The following NMD3 variants were observed in gnomAD, a reference collection of about 807,000 sequenced individuals.
NMD3 encodes the protein NMD3 ribosome export adaptor, also known as 60S ribosomal export protein NMD3.
Under a neutral mutation model 73.1 loss-of-function variants are expected in NMD3, and 47 were observed. The observed-to-expected ratio is 0.64, with a 90% CI of 0.51 to 0.82. The LOEUF is 0.82. Among genes scored for constraint, NMD3 ranks in the 40% least tolerant of loss-of-function variants. The probability of loss-of-function intolerance (pLI) is 0.00; values close to 1 mark genes in which losing one functional copy is unlikely to be tolerated. For synonymous variants in NMD3, 210 were observed against 194.5 expected (o/e 1.08, Z -0.66); for missense variants, 554 against 612.5 (o/e 0.90, Z 1.01).
chr3:161,240,557 C>CTTTTTTTTTT (rs1736933202), intron 9 of NMD3, among the ~76,000 whole-genome samples: 1 of 86,120 alleles, frequency 1.2e-5, no homozygotes, highest in African/African-American at 6.1e-5. Context: ...GACAGTTTTG[C>CTTTTTTTTTT]TCTGTCACCT....
Position 161,242,607 on chromosome 3 carries a change from T to C in NMD3, c.971T>C (p.Val324Ala). 6.2e-7 allele frequency: 1 copy of C among 1,613,538 alleles called. No homozygotes were observed. Among genetic ancestry groups the C allele is most frequent in the Non-Finnish European group, 8.5e-7 (1 of 1,179,662 alleles). ...TTTATTGTGATGGAATGCAGCATAG[T>C]CCAAGATATAAAACGTGCTGCAGGT... ...EEFIVMECSI[V>A]QDIKRAAGAG... Residue 324 changes from valine (V) to alanine (A), a missense_variant, in exon 11 of 16, where the codon GTC (valine) becomes GCC (alanine). Coordinates refer to ENST00000351193, the MANE Select transcript of NMD3 (RefSeq NM_015938.5).
chr3:161,249,760 T>G, intron 14 of NMD3, 200 bp downstream of exon 14: 1 of 593,914 alleles, frequency 1.7e-6, no homozygotes, highest in South Asian at 2.0e-5. Context: ...ATTTCCTGGT[T>G]TATGACCTAA....
chr3:161,245,441 A>G (rs1439212396), intron 11 of NMD3, among the ~76,000 whole-genome samples: 2 of 151,930 alleles, frequency 1.3e-5, no homozygotes. Flanking sequence ...CTGTTAAATA[A>G]AATGTAGTCT....
rs1312670142 is a variant in NMD3, at chr3:161,251,438, T to G, written c.*528T>G. 6.6e-6 allele frequency: 1 copy of G among 152,152 alleles called. No homozygotes were observed. The highest frequency in any genetic ancestry group is 1.5e-5 in the Non-Finnish European group (1 of 68,022). The allele number at this position is 152,152 out of a possible 1,614,324, so 9.4% of individuals were successfully genotyped here. ...TATCACTGGACATTCAGGAGGCAAGTCAATCTTTTTTATTTCCTTATAAAA... is the reference window on the plus strand; with the variant it reads ...TATCACTGGACATTCAGGAGGCAAGGCAATCTTTTTTATTTCCTTATAAAA... On this transcript the variant is annotated 3_prime_UTR_variant, in exon 16 of 16. Coordinates refer to ENST00000351193, the MANE Select transcript of NMD3 (RefSeq NM_015938.5).
At chr3:161,225,617 C>G (rs1203014857) in intron 3 of NMD3, among the ~76,000 whole-genome samples, 1 of 152,104 alleles carries the variant, frequency 6.6e-6, no homozygotes, top group African/African-American at 2.4e-5. Flanking sequence ...TCTTGATTTT[C>G]TTTGTCAGCA....
chr3:161,228,767 C>T (rs909075475), intron 4 of NMD3, among the ~76,000 whole-genome samples: 2 of 152,068 alleles, frequency 1.3e-5, no homozygotes, highest in East Asian at 1.9e-4. Flanking sequence ...TCTTAGAAAG[C>T]GTGTATTCTA....
At chr3:161,253,046 G>A (rs1324091257), downstream of NMD3, 2 of 277,334 alleles carry the variant, frequency 7.2e-6, no homozygotes, top group African/African-American at 2.2e-5. Flanking sequence ...GCAGTGAGTC[G>A]AGATCTGGCC....
At chr3:161,233,557 G>C in intron 5 of NMD3, 78 bp downstream of exon 5, 1 of 790,288 alleles carries the variant, frequency 1.3e-6, no homozygotes, top group Non-Finnish European at 2.1e-6. Flanking sequence ...GTTATTTTAT[G>C]GCTTGAACAG....
downstream of NMD3, chr3:161,252,667 T>C: frequency 1.9e-6 from 1 of 523,618 alleles, no homozygotes; most frequent in Non-Finnish European, 3.4e-6. Flanking sequence ...CCAAAGTTGT[T>C]ATGGCTTGGG....
intron 6 of NMD3, 45 bp downstream of exon 6, chr3:161,234,900 T>C: frequency 6.3e-7 from 1 of 1,596,074 alleles, no homozygotes; most frequent in South Asian, 1.1e-5. Flanking sequence ...TTATATTTCG[T>C]CTTTGTTAAT....
At position 161,238,818 on chromosome 3, in the gene NMD3, A is replaced by T; in HGVS notation, c.745A>T (p.Ile249Leu). ...KSTFSVEIVP[I>L]CKDNVVCLSP... ...CACTTTTTCTGTGGAAATTGTTCCA[A>T]TATGCAAGGTACTTTTCTTTTTCAT... The change falls in exon 9 of 16, where the codon ATA becomes TTA. Residue 249 changes from isoleucine (I) to leucine (L), a missense_variant. Transcript: ENST00000351193. The T allele has an allele frequency of 1.4e-6, 2 of 1,472,894 alleles. No individual in the cohort carries two copies. Among genetic ancestry groups the T allele is most frequent in the Non-Finnish European group, 1.9e-6 (2 of 1,061,656 alleles). The allele number at this position is 1,472,894 out of a possible 1,614,324, so 91.2% of individuals were successfully genotyped here.
intron 12 of NMD3, 64 bp from the exon 13 acceptor site, chr3:161,247,194 A>G (rs1383674504): frequency 3.8e-6 from 4 of 1,040,452 alleles, no homozygotes; most frequent in Non-Finnish European, 4.5e-6. Flanking sequence ...GGTGATAGCC[A>G]TAAAATAAAA....
At chr3:161,241,289 A>T in intron 10 of NMD3, 126 bp downstream of exon 10, 1 of 631,336 alleles carries the variant, frequency 1.6e-6, no homozygotes, top group South Asian at 2.0e-5. Context: ...AATTTGTGCT[A>T]TTGTTTAATA....
intron 4 of NMD3, 94 bp downstream of exon 4, chr3:161,227,437 ATTTTTTTTT>A (rs55825529): frequency 1.7e-5 from 6 of 360,872 alleles, no homozygotes; most frequent in South Asian, 5.3e-5. Context: ...TTCAAAAGGA[ATTTTTTTTT>A]TTTTTTTTTT....
chr3:161,226,228 T>C (rs903638247), intron 3 of NMD3, among the ~76,000 whole-genome samples: 1 of 151,732 alleles, frequency 6.6e-6, no homozygotes, highest in Non-Finnish European at 1.5e-5. Context: ...CTGAGGCGGG[T>C]GGATCACCTG....
intron 4 of NMD3, among the ~76,000 whole-genome samples, chr3:161,232,050 G>A (rs765720176): frequency 6.6e-6 from 1 of 151,886 alleles, no homozygotes; most frequent in Non-Finnish European, 1.5e-5. Flanking sequence ...GGGGAATGCC[G>A]AGCAGGATGT....
intron 4 of NMD3, among the ~76,000 whole-genome samples, chr3:161,227,706 C>G (rs560833846): frequency 6.6e-6 from 1 of 152,140 alleles, no homozygotes; most frequent in Non-Finnish European, 1.5e-5. Context: ...CTCGGCCTCC[C>G]AAAGTGCTGG....
rs1381775632 is a variant in NMD3, at chr3:161,251,873, G to A, written c.*963G>A. 3 of 152,176 alleles carry A rather than the reference G, an allele frequency of 2.0e-5. No individual in the cohort carries two copies. Among genetic ancestry groups the A allele is most frequent in the Admixed American group, 6.5e-5 (1 of 15,274 alleles). The allele number at this position is 152,176 out of a possible 1,614,324, so 9.4% of individuals were successfully genotyped here. A position where few individuals can be genotyped will look rare whatever the true frequency, so the allele number is the denominator to read the frequency against. Reference sequence around the variant, plus strand: ...CCTTGAAAGAAAAACTGTGGCTTACGTTTTGAAGTATTCTGAGAATGAAGT... The same window carrying A: ...CCTTGAAAGAAAAACTGTGGCTTACATTTTGAAGTATTCTGAGAATGAAGT... On this transcript the variant is annotated 3_prime_UTR_variant, in exon 16 of 16. Coordinates refer to ENST00000351193, the MANE Select transcript of NMD3 (RefSeq NM_015938.5).
chr3:161,241,055 G>A lies in NMD3; in HGVS notation c.763G>A (p.Val255Ile). 1 of 1,606,732 alleles carries A rather than the reference G, an allele frequency of 6.2e-7. No individual in the cohort carries two copies. Among genetic ancestry groups the A allele is most frequent in the Non-Finnish European group, 8.5e-7 (1 of 1,174,602 alleles). The change falls in exon 10 of 16, where the codon GTC becomes ATC. Residue 255 changes from valine (V) to isoleucine (I), a missense_variant. By Grantham distance (29) the Val-to-Ile change is conservative. Coordinates refer to ENST00000351193, the MANE Select transcript of NMD3 (RefSeq NM_015938.5). ...TAGTTCTTATGCCTAGGATAATGTT[G>A]TCTGTCTGTCTCCAAAACTGGCACA... ...EIVPICKDNV[V>I]CLSPKLAQSL...
Sources: allele counts gnomAD v4.1 joint callset (sites outside exome capture counted in the v4.1 genomes callset), GRCh38; gene constraint gnomAD v4.1.1; transcripts MANE v1.5; gene names NCBI Gene and HGNC (gene_info 2026-07-23, HGNC 2026-07-21).